STK3: variants seen among roughly 807,000 people sequenced by gnomAD.
STK3 encodes serine/threonine kinase 3.
STK3 carries 41 observed loss-of-function variants against 58.0 expected under a neutral mutation model. The observed-to-expected ratio is 0.71, with a 90% confidence interval of 0.55 to 0.92. The LOEUF is 0.92. STK3 is among the 40% of genes least tolerant of loss of function. The probability of loss-of-function intolerance (pLI) is 0.00; values close to 1 mark genes in which losing one functional copy is unlikely to be tolerated. For missense variants in STK3, 479 were observed against 602.7 expected (o/e 0.79, Z 2.15); for synonymous variants, 170 against 191.0 (o/e 0.89, Z 0.91).
chr8:98,659,023 C>T (rs1427487757), intron 6 of STK3, among the ~76,000 whole-genome samples: 2 of 151,968 alleles, frequency 1.3e-5, no homozygotes, highest in Non-Finnish European at 2.9e-5. Flanking sequence ...CAGTAACATG[C>T]TGTAAAGGTT....
chr8:98,694,424 T>C (rs910310181), intron 6 of STK3, among the ~76,000 whole-genome samples: 6 of 152,164 alleles, frequency 3.9e-5, no homozygotes, highest in Non-Finnish European at 5.9e-5. Context: ...TATGTATACA[T>C]GTGCCATGCG....
intron 10 of STK3, among the ~76,000 whole-genome samples, chr8:98,483,134 G>A (rs1436685504): frequency 6.6e-6 from 1 of 152,168 alleles, no homozygotes; most frequent in Non-Finnish European, 1.5e-5. Context: ...GCCAAGTCCA[G>A]AGTCCACTAA....
chr8:98,471,580 AT>A, intron 10 of STK3, among the ~76,000 whole-genome samples: 1 of 152,230 alleles, frequency 6.6e-6, no homozygotes, highest in East Asian at 1.9e-4. Flanking sequence ...ATTTCATGTA[AT>A]TTATTGAATA....
chr8:98,401,365 G>A (rs1817942397), downstream of STK3: 1 of 152,228 alleles, frequency 6.6e-6, no homozygotes, highest in Non-Finnish European at 1.5e-5. Flanking sequence ...AACCTGGAAA[G>A]ATATAATAAA....
rs770278634 is a variant in STK3, at chr8:98,635,086, C to CAT, written c.685-38919_685-38918dup. Among the ~76,000 whole-genome samples, 21 of 152,114 alleles carry CAT rather than the reference C, an allele frequency of 1.4e-4. No individual in the cohort carries two copies. The South Asian group carries it at 4.4e-3, about 32-fold the overall frequency. Reference sequence around the variant, plus strand: ...AGAAAAAAAAACAAGAAGAAAGAGGCATACCCTTCTATAATACTACAGCCA... The same window carrying CAT: ...AGAAAAAAAAACAAGAAGAAAGAGGCATATACCCTTCTATAATACTACAGCCA... On this transcript the variant is annotated intron_variant, in intron 6 of 10. Coordinates refer to ENST00000419617, the MANE Select transcript of STK3 (RefSeq NM_006281.4).
At chr8:98,480,237 C>T (rs1439287351) in intron 10 of STK3, among the ~76,000 whole-genome samples, 1 of 151,888 alleles carries the variant, frequency 6.6e-6, no homozygotes, top group Non-Finnish European at 1.5e-5. Flanking sequence ...CAACATCAAT[C>T]ACAAAAATAA....
chr8:98,377,268 T>G (rs1183866426), intron 2 of STK3, among the ~76,000 whole-genome samples: 2 of 152,162 alleles, frequency 1.3e-5, no homozygotes, highest in Non-Finnish European at 1.5e-5. Flanking sequence ...TTGTTAGGAG[T>G]CAGAATCTTA....
rs1387321165 is a variant in STK3, at chr8:98,579,683, T to G, written c.929A>C (p.Glu310Ala). The G allele has an allele frequency of 1.9e-6, 3 of 1,608,638 alleles. No homozygotes were observed. Among genetic ancestry groups the G allele is most frequent in the Non-Finnish European group, 2.5e-6 (3 of 1,178,666 alleles). The change falls in exon 8 of 11, where the codon GAA becomes GCA. Residue 310 changes from glutamate (E) to alanine (A), a missense_variant. Physicochemically the swap from Glu to Ala is moderately radical, Grantham distance 107. Coordinates refer to ENST00000419617, the MANE Select transcript of STK3 (RefSeq NM_006281.4). ...KRHEEQQREL[E>A]EEEENSDEDE... The stretch of plus-strand genomic sequence containing the variant: ...ACAAACCGAATTTTCTTCTTCCTCT[T>G]CCAATTCTCGTTGCTGTTCCTCATG...
At chr8:98,671,038 C>T (rs951029681) in intron 6 of STK3, among the ~76,000 whole-genome samples, 7 of 151,692 alleles carry the variant, frequency 4.6e-5, no homozygotes, top group Non-Finnish European at 7.4e-5. Context: ...GCAAAGGGGC[C>T]AAGAAAAATC....
intron 1 of STK3, among the ~76,000 whole-genome samples, chr8:98,923,860 C>T (rs540976874): frequency 0.22 from 21,314 of 98,072 alleles, 1,590 homozygotes; most frequent in Non-Finnish European, 0.23. Flanking sequence ...TGTGTGCGCG[C>T]GCGCGCGCGC....
At chr8:98,591,229 C>A (rs765087842) in intron 7 of STK3, among the ~76,000 whole-genome samples, 3 of 152,126 alleles carry the variant, frequency 2.0e-5, no homozygotes, top group Admixed American at 1.3e-4. Flanking sequence ...GTGAGCTATG[C>A]GATCATGAGG....
At position 98,750,212 on chromosome 8, in the gene STK3, G is replaced by A. The variant is rs1477066679; in HGVS notation, c.237-822C>T. Among the ~76,000 whole-genome samples, 4 of 152,110 alleles carry A rather than the reference G, an allele frequency of 2.6e-5. No individual in the cohort carries two copies. The East Asian group carries it at 7.7e-4, about 29-fold the overall frequency. On this transcript the variant is annotated intron_variant, in intron 3 of 10. Coordinates refer to ENST00000419617, the MANE Select transcript of STK3 (RefSeq NM_006281.4). ...AAGAGAACTTTGTGGAAGGGAGTGG[G>A]ATTTGAATGAGATTTTGAAAGAAAA...
upstream of STK3, among the ~76,000 whole-genome samples, chr8:98,827,941 C>G (rs1252485094): frequency 6.6e-6 from 1 of 151,548 alleles, no homozygotes; most frequent in Non-Finnish European, 1.5e-5. Flanking sequence ...TTACTCCACT[C>G]TAACCCCCCC....
At chr8:98,375,278 A>C (rs1817662034) in intron 2 of STK3, among the ~76,000 whole-genome samples, 3 of 148,804 alleles carry the variant, frequency 2.0e-5, no homozygotes, top group African/African-American at 7.5e-5. Flanking sequence ...AAACAAAAAA[A>C]AACAAAAAAA....
chr8:98,711,209 A>G lies in STK3; in HGVS notation c.352-3898T>C, dbSNP rs556970099. Among the ~76,000 whole-genome samples the G allele has an allele frequency of 3.3e-5, 5 of 152,272 alleles. No individual in the cohort carries two copies. In the East Asian group the frequency reaches 9.6e-4, roughly 29 times the overall value. On this transcript the variant is annotated intron_variant, in intron 4 of 10. Coordinates refer to ENST00000419617, the MANE Select transcript of STK3 (RefSeq NM_006281.4). ...AAAAAACAGAGCAGAAAAACTGGAA[A>G]CTCTAAAAATAAGAGTGCCTCTCCT...
chr8:98,650,819 G>A (rs1172868137), intron 6 of STK3, among the ~76,000 whole-genome samples: 1 of 152,186 alleles, frequency 6.6e-6, no homozygotes, highest in Non-Finnish European at 1.5e-5. Context: ...GCTTGCTTAG[G>A]TAAACAAAGC....
chr8:98,864,040 C>CA (rs982925097), intron 3 of STK3, among the ~76,000 whole-genome samples: 12 of 149,848 alleles, frequency 8.0e-5, no homozygotes, highest in East Asian at 2.0e-4. Flanking sequence ...ACTAAAAATA[C>CA]AAAAAAAAAT....
intron 6 of STK3, among the ~76,000 whole-genome samples, chr8:98,643,187 C>G (rs1447952044): frequency 6.6e-6 from 1 of 152,110 alleles, no homozygotes; most frequent in Non-Finnish European, 1.5e-5. Context: ...TGATTGCTCT[C>G]CACTGCCCTC....
intron 3 of STK3, among the ~76,000 whole-genome samples, chr8:98,420,380 T>C (rs1818157957): frequency 1.3e-5 from 2 of 152,252 alleles, no homozygotes; most frequent in African/African-American, 4.8e-5. Context: ...ATTGACATAT[T>C]GTTATAATTG....
Sources: gnomAD v4.1 joint callset for allele counts (sites outside exome capture counted in the v4.1 genomes callset) on GRCh38, gnomAD v4.1.1 for gene constraint, MANE v1.5 for transcripts, NCBI Gene and HGNC (gene_info 2026-07-23, HGNC 2026-07-21) for gene names.